HUNK: variants seen among roughly 807,000 people sequenced by gnomAD.
HUNK encodes the protein hormonally up-regulated neu tumor-associated kinase.
In HUNK, 21 loss-of-function variants were observed where a neutral mutation model predicts 61.0. The observed-to-expected ratio is 0.34, with a 90% confidence interval of 0.24 to 0.50. HUNK has a LOEUF of 0.50. Ranked by LOEUF, HUNK falls within the 20% of genes least tolerant of loss-of-function variation. HUNK has a pLI of 0.98. For synonymous variants in HUNK, 371 were observed against 386.1 expected (o/e 0.96, Z 0.46); for missense variants, 772 against 945.7 (o/e 0.82, Z 2.41).
At chr21:31,928,596 T>C (rs1016687344) in intron 2 of HUNK, among the ~76,000 whole-genome samples, 1 of 152,122 alleles carries the variant, frequency 6.6e-6, no homozygotes, top group Non-Finnish European at 1.5e-5. Context: ...ACAGGGACGA[T>C]TTAGGAAGAT....
intron 1 of HUNK, among the ~76,000 whole-genome samples, chr21:31,881,462 A>T (rs1208014739): frequency 6.6e-6 from 1 of 152,044 alleles, no homozygotes; most frequent in Non-Finnish European, 1.5e-5. Flanking sequence ...CCCTGTCTCT[A>T]CTAAAAATAC....
At chr21:31,985,048 G>A (rs2053123537) in intron 8 of HUNK, among the ~76,000 whole-genome samples, 2 of 152,258 alleles carry the variant, frequency 1.3e-5, no homozygotes, top group South Asian at 4.2e-4. Flanking sequence ...CAGATCTTGT[G>A]AGACTTACTA....
At chr21:31,980,663 C>T (rs1269253801) in intron 7 of HUNK, among the ~76,000 whole-genome samples, 1 of 152,126 alleles carries the variant, frequency 6.6e-6, no homozygotes, top group East Asian at 1.9e-4. Flanking sequence ...ACCCAAAGTG[C>T]TGGGATTACA....
At chr21:31,946,541 C>T (rs746563393) in intron 4 of HUNK, among the ~76,000 whole-genome samples, 12 of 152,090 alleles carry the variant, frequency 7.9e-5, no homozygotes, top group Non-Finnish European at 1.3e-4. Flanking sequence ...GGGACTTGCT[C>T]GCCCATCTCT....
intron 4 of HUNK, among the ~76,000 whole-genome samples, chr21:31,948,198 G>T (rs1262467252): frequency 6.6e-6 from 1 of 152,198 alleles, no homozygotes; most frequent in Non-Finnish European, 1.5e-5. Context: ...TGGCGTGTGG[G>T]GACCCTTGCT....
At chr21:31,885,035 C>T (rs2123789564) in intron 1 of HUNK, among the ~76,000 whole-genome samples, 1 of 152,210 alleles carries the variant, frequency 6.6e-6, no homozygotes, top group Admixed American at 6.5e-5. Context: ...GCCTCAGCCT[C>T]CCAAAGTGCT....
chr21:31,927,126 C>T (rs936835852), intron 2 of HUNK, among the ~76,000 whole-genome samples: 2 of 151,856 alleles, frequency 1.3e-5, no homozygotes, highest in East Asian at 2.0e-4. Context: ...CTGCAACTTC[C>T]GCCTTCCGGG....
In HUNK at chr21:31,940,221, G is replaced by T; in HGVS notation, c.610+1G>T. 1 of 1,556,658 alleles carries T rather than the reference G, an allele frequency of 6.4e-7. No individual in the cohort carries two copies. ...GAAGACAATAATATCAAGCTGATTG[G>T]TATGACTTTTTTTTTTTTTTAAGCA... On this transcript the variant is annotated splice_donor_variant, in intron 3 of 10. Coordinates refer to ENST00000270112, the MANE Select transcript of HUNK (RefSeq NM_014586.2). LOFTEE classifies it high-confidence loss of function.
At chr21:31,908,287 C>T (rs1443880298) in intron 1 of HUNK, among the ~76,000 whole-genome samples, 1 of 152,032 alleles carries the variant, frequency 6.6e-6, no homozygotes, top group African/African-American at 2.4e-5. Context: ...TTCAACTTCT[C>T]ATCGAGGAAT....
chr21:31,884,849 G>C (rs2052334610), intron 1 of HUNK, among the ~76,000 whole-genome samples: 1 of 151,810 alleles, frequency 6.6e-6, no homozygotes, highest in East Asian at 2.0e-4. Flanking sequence ...CACCCTCTTG[G>C]CTCACTGCAA....
chr21:31,912,666 C>G (rs889393967), intron 1 of HUNK, among the ~76,000 whole-genome samples: 10 of 152,098 alleles, frequency 6.6e-5, no homozygotes, highest in African/African-American at 2.2e-4. Context: ...GTCAGCCTCT[C>G]AAGGAGCTGG....
chr21:31,939,858 C>T (rs2052758260), intron 2 of HUNK, among the ~76,000 whole-genome samples: 1 of 152,006 alleles, frequency 6.6e-6, no homozygotes. Flanking sequence ...TCTCTCCCCA[C>T]ACCCTGGTTC....
chr21:31,997,627 A>G (rs1555882303), intron 10 of HUNK, among the ~76,000 whole-genome samples: 1 of 152,240 alleles, frequency 6.6e-6, no homozygotes, highest in Admixed American at 6.5e-5. Context: ...ACAGGAAGAC[A>G]GTTCTGGAGA....
intron 1 of HUNK, among the ~76,000 whole-genome samples, chr21:31,892,134 A>T (rs79757742): frequency 0.024 from 3,273 of 137,626 alleles, 126 homozygotes; most frequent in African/African-American, 0.084. Flanking sequence ...CATGGTATTC[A>T]ATGAGAATTT....
intron 5 of HUNK, among the ~76,000 whole-genome samples, chr21:31,966,463 T>C (rs531278582): frequency 6.6e-6 from 1 of 152,342 alleles, no homozygotes; most frequent in Non-Finnish European, 1.5e-5. Context: ...CTACCCACTA[T>C]TGAAAGGGAG....
intron 8 of HUNK, among the ~76,000 whole-genome samples, chr21:31,987,104 G>A (rs1173742437): frequency 6.6e-6 from 1 of 152,198 alleles, no homozygotes; most frequent in Non-Finnish European, 1.5e-5. Flanking sequence ...CCTGATCAGA[G>A]TCTCAGAAAA....
intron 7 of HUNK, among the ~76,000 whole-genome samples, chr21:31,981,682 A>G (rs2053098434): frequency 6.6e-6 from 1 of 152,134 alleles, no homozygotes; most frequent in South Asian, 2.1e-4. Flanking sequence ...GTATGAAAAC[A>G]CTATTGATTT....
rs763039708 is a variant in HUNK at position 31,983,545 on chromosome 21, G to A, written c.1193G>A (p.Ser398Asn). Residue 398 changes from serine to asparagine, a missense_variant, in exon 8 of 11, where the codon AGC becomes AAC. Physicochemically the swap from Ser to Asn is conservative, Grantham distance 46 (BLOSUM62 1). Around this residue, in one of 2 missense-constraint regions of HUNK, gnomAD observed 413 missense variants for 444.4 expected, o/e 0.93. Transcript: ENST00000270112. Reference sequence around the variant, plus strand: ...TGGTAGAAATCTGACATCCAGGACAGCCTCTGCTACAAGACCCGGCTCTAC... The same window carrying A: ...TGGTAGAAATCTGACATCCAGGACAACCTCTGCTACAAGACCCGGCTCTAC... ...YLSGKSDIQD[S>N]LCYKTRLYQI... The A allele has an allele frequency of 6.2e-7, 1 of 1,613,816 alleles. No individual in the cohort carries two copies. The highest frequency in any genetic ancestry group is 1.7e-5 in the Admixed American group (1 of 60,028).
At chr21:31,968,692 C>A (rs570111332) in intron 6 of HUNK, among the ~76,000 whole-genome samples, 2 of 150,260 alleles carry the variant, frequency 1.3e-5, no homozygotes, top group South Asian at 2.1e-4. Flanking sequence ...CACAGAGGGA[C>A]CTTTGAGACT....
Sources: allele counts gnomAD v4.1 joint callset (sites outside exome capture counted in the v4.1 genomes callset), GRCh38; gene constraint gnomAD v4.1.1; regional missense constraint gnomAD v4.1.1; transcripts MANE v1.5; gene names NCBI Gene and HGNC (gene_info 2026-07-23, HGNC 2026-07-21).